Variants in FNDC3A observed in about 807,000 individuals in gnomAD.
FNDC3A encodes fibronectin type III domain containing 3A.
Under a neutral mutation model 148.9 loss-of-function variants are expected in FNDC3A, and 32 were observed. The ratio of observed to expected loss-of-function variants is 0.21; its 90% CI spans 0.16 to 0.29. The LOEUF is 0.29. Among genes scored for constraint, FNDC3A ranks in the 10% least tolerant of loss-of-function variants. The probability of loss-of-function intolerance (pLI) is 1.00; values close to 1 mark genes in which losing one functional copy is unlikely to be tolerated. For missense variants in FNDC3A, 1,191 were observed against 1,452.8 expected, an observed-to-expected ratio of 0.82 and a Z score of 2.93; for synonymous variants, 472 against 473.6, an observed-to-expected ratio of 1.00 and a Z score of 0.04.
intron 3 of FNDC3A, among the ~76,000 whole-genome samples, chr13:49,079,087 G>A (rs564212212): frequency 1.6e-4 from 24 of 152,284 alleles, no homozygotes; most frequent in African/African-American, 5.3e-4. Flanking sequence ...GAGAACTTTA[G>A]ACATCTAAAT....
rs770957183 is a variant in FNDC3A, at chr13:49,202,008, AC to A, written c.3154+43del. On this transcript the variant is annotated intron_variant, in intron 24 of 25. Transcript: ENST00000492622. Reference sequence around the variant, plus strand: ...GAACTTATTTTCTTTATAATAAATTACTTTTTAATGTATTTTCATAAATGCT... The same window carrying A: ...GAACTTATTTTCTTTATAATAAATTATTTTTAATGTATTTTCATAAATGCT... 4.1e-6 allele frequency: 5 copies of A among 1,231,814 alleles called. No individual in the cohort carries two copies. The Admixed American group carries it at 1.4e-4, about 35-fold the overall frequency. 76.3% of individuals were successfully genotyped at this position (1,231,814 alleles called of 1,614,324 possible).
intron 3 of FNDC3A, among the ~76,000 whole-genome samples, chr13:49,079,322 C>T (rs1164493995): frequency 4.0e-5 from 6 of 151,822 alleles, no homozygotes; most frequent in Non-Finnish European, 5.9e-5. Flanking sequence ...AGAACAGTGT[C>T]ATGGGGGAAA....
intron 4 of FNDC3A, among the ~76,000 whole-genome samples, chr13:49,121,975 C>T (rs191639445): frequency 2.0e-5 from 3 of 152,116 alleles, no homozygotes; most frequent in South Asian, 2.1e-4. Flanking sequence ...CAGAAAAAGA[C>T]GGACTCCTCC....
At chr13:49,100,852 G>A (rs1879815213) in intron 3 of FNDC3A, among the ~76,000 whole-genome samples, 1 of 152,004 alleles carries the variant, frequency 6.6e-6, no homozygotes, top group Non-Finnish European at 1.5e-5. Context: ...ACCTTATCCA[G>A]GCACCCTCAC....
chr13:49,017,257 C>G (rs987626929), intron 2 of FNDC3A, among the ~76,000 whole-genome samples: 1 of 152,090 alleles, frequency 6.6e-6, no homozygotes, highest in African/African-American at 2.4e-5. Flanking sequence ...GTAGGTCACT[C>G]AGGACTTGCT....
chr13:49,188,697 C>T, intron 17 of FNDC3A, 64 bp downstream of exon 17: 1 of 939,570 alleles, frequency 1.1e-6, no homozygotes, highest in East Asian at 2.4e-5. Context: ...GTAGGATCAC[C>T]AGGTGCCACT....
At chr13:48,983,736 TTTAC>T (rs1408970237) in intron 1 of FNDC3A, among the ~76,000 whole-genome samples, 2 of 152,174 alleles carry the variant, frequency 1.3e-5, no homozygotes, top group African/African-American at 4.8e-5. Flanking sequence ...TATGTATCAG[TTTAC>T]TTAAGCCTTA....
At chr13:49,042,678 G>T (rs903128968) in intron 2 of FNDC3A, among the ~76,000 whole-genome samples, 17 of 152,156 alleles carry the variant, frequency 1.1e-4, no homozygotes, top group African/African-American at 4.1e-4. Flanking sequence ...TTGGGTGGCT[G>T]AGGTGGGAGG....
intron 3 of FNDC3A, among the ~76,000 whole-genome samples, chr13:49,095,175 C>G (rs2137825493): frequency 6.6e-6 from 1 of 151,920 alleles, no homozygotes; most frequent in Admixed American, 6.6e-5. Flanking sequence ...TAAGCTCATT[C>G]AGGAAAGTGA....
Position 49,131,265 on chromosome 13 carries a change from T to C in FNDC3A, c.381T>C (p.Thr127=). The change falls in exon 5 of 26, where the codon ACT becomes ACC. Residue 127 remains threonine, a synonymous_variant. Transcript: ENST00000492622. ...PPLPGFIPVP[T]MMPPPPRHMY... ...TACCTGGTTTCATTCCTGTCCCAACTATGATGCCGCCTCCACCACGTCATA... is the reference window on the plus strand; with the variant it reads ...TACCTGGTTTCATTCCTGTCCCAACCATGATGCCGCCTCCACCACGTCATA... 6.2e-7 allele frequency: 1 copy of C among 1,614,054 alleles called. No individual in the cohort carries two copies. The highest frequency in any genetic ancestry group is 8.5e-7 in the Non-Finnish European group (1 of 1,179,992).
intron 3 of FNDC3A, 78 bp downstream of exon 3, chr13:49,075,442 C>T: frequency 2.7e-6 from 2 of 747,154 alleles, no homozygotes; most frequent in South Asian, 1.7e-5. Flanking sequence ...GTGTATATGC[C>T]TATGGTTTCT....
intron 1 of FNDC3A, among the ~76,000 whole-genome samples, chr13:49,003,362 G>C (rs567948243): frequency 6.6e-6 from 1 of 152,226 alleles, no homozygotes; most frequent in South Asian, 2.1e-4. Flanking sequence ...ACTGCACCCG[G>C]CCACATTTCT....
chr13:49,113,954 T>C (rs1880751564), intron 3 of FNDC3A, among the ~76,000 whole-genome samples: 1 of 152,180 alleles, frequency 6.6e-6, no homozygotes, highest in East Asian at 1.9e-4. Flanking sequence ...CCTAACACTA[T>C]AAAAGTGAAA....
intron 1 of FNDC3A, among the ~76,000 whole-genome samples, chr13:49,002,867 GC>G (rs796662152): frequency 7.2e-5 from 11 of 152,214 alleles, no homozygotes; most frequent in Admixed American, 2.0e-4. Flanking sequence ...ACAAGTAATG[GC>G]TTCTATGAGC....
chr13:49,072,833 ATTTG>A (rs756221434), intron 2 of FNDC3A, among the ~76,000 whole-genome samples: 3 of 142,318 alleles, frequency 2.1e-5, no homozygotes, highest in African/African-American at 5.0e-5. Flanking sequence ...CCTTTACTAA[ATTTG>A]TTTGTCAGTT....
chr13:49,160,742 C>G (rs2138020927), intron 8 of FNDC3A, among the ~76,000 whole-genome samples: 1 of 151,802 alleles, frequency 6.6e-6, no homozygotes, highest in East Asian at 1.9e-4. Flanking sequence ...TTCCTGCTTT[C>G]TCTTGTGGGC....
At chr13:49,089,540 G>C (rs1879048865) in intron 3 of FNDC3A, among the ~76,000 whole-genome samples, 1 of 152,216 alleles carries the variant, frequency 6.6e-6, no homozygotes, top group African/African-American at 2.4e-5. Context: ...GTCAGCAAGT[G>C]AAAGAGTTTT....
chr13:49,020,169 A>G (rs943653603), intron 2 of FNDC3A, among the ~76,000 whole-genome samples: 1 of 152,226 alleles, frequency 6.6e-6, no homozygotes, highest in African/African-American at 2.4e-5. Context: ...TTAAAATAAA[A>G]TTTATTGATG....
intron 1 of FNDC3A, among the ~76,000 whole-genome samples, chr13:48,985,659 A>C (rs546169363): frequency 1.9e-4 from 29 of 151,570 alleles, no homozygotes; most frequent in South Asian, 1.0e-3. Context: ...TACACACACA[A>C]AAAAAATACA....
Sources: allele counts gnomAD v4.1 joint callset (sites outside exome capture counted in the v4.1 genomes callset), GRCh38; gene constraint gnomAD v4.1.1; transcripts MANE v1.5; gene names NCBI Gene and HGNC (gene_info 2026-07-23, HGNC 2026-07-21).